Variants in EBF2 observed in about 807,000 individuals in gnomAD.
EBF2 encodes EBF transcription factor 2, also known as transcription factor COE2.
EBF2 carries 21 observed loss-of-function variants against 72.8 expected under a neutral mutation model. The observed-to-expected ratio is 0.29, with a 90% confidence interval of 0.20 to 0.42. EBF2 has a LOEUF of 0.42. EBF2 is among the 10% of genes least tolerant of loss of function. The pLI is 1.00. For missense variants in EBF2, 637 were observed against 731.2 expected, an observed-to-expected ratio of 0.87 and a Z score of 1.49; for synonymous variants, 299 against 274.2, an observed-to-expected ratio of 1.09 and a Z score of -0.89.
chr8:25,934,787 C>G (rs1035605737), intron 6 of EBF2, among the ~76,000 whole-genome samples: 6 of 152,204 alleles, frequency 3.9e-5, no homozygotes, highest in African/African-American at 1.2e-4. Context: ...ACGTATGCAT[C>G]CCGTATCCCA....
chr8:25,845,448 A>G (rs980137066), intron 15 of EBF2, among the ~76,000 whole-genome samples: 1 of 151,424 alleles, frequency 6.6e-6, no homozygotes, highest in African/African-American at 2.4e-5. Flanking sequence ...CTGGTCTTGA[A>G]CTCCTGGCCT....
intron 7 of EBF2, among the ~76,000 whole-genome samples, chr8:25,906,443 A>G (rs1357806655): frequency 1.3e-5 from 2 of 152,116 alleles, no homozygotes; most frequent in Non-Finnish European, 2.9e-5. Context: ...ATCCCCCAAG[A>G]AGGCTGGTTT....
chr8:25,973,150 T>C (rs1426095181), intron 6 of EBF2, among the ~76,000 whole-genome samples: 1 of 152,098 alleles, frequency 6.6e-6, no homozygotes, highest in Non-Finnish European at 1.5e-5. Flanking sequence ...GTGTTTTTTA[T>C]TTACCTGAGA....
At chr8:25,955,149 C>T (rs1226976341) in intron 6 of EBF2, among the ~76,000 whole-genome samples, 1 of 152,228 alleles carries the variant, frequency 6.6e-6, no homozygotes, top group Non-Finnish European at 1.5e-5. Flanking sequence ...ACCACTCTAG[C>T]GCCACACTCC....
intron 6 of EBF2, among the ~76,000 whole-genome samples, chr8:26,001,776 T>C (rs1420410896): frequency 1.3e-5 from 2 of 152,136 alleles, no homozygotes; most frequent in African/African-American, 2.4e-5. Flanking sequence ...CTCGAACTCC[T>C]GACCTCAAGT....
At chr8:25,987,891 T>A (rs977003604) in intron 6 of EBF2, among the ~76,000 whole-genome samples, 2 of 152,138 alleles carry the variant, frequency 1.3e-5, no homozygotes, top group African/African-American at 4.8e-5. Flanking sequence ...TACAGTAATA[T>A]ACAAAACTCA....
At chr8:25,998,182 T>C (rs1804667216) in intron 6 of EBF2, among the ~76,000 whole-genome samples, 1 of 152,104 alleles carries the variant, frequency 6.6e-6, no homozygotes, top group Non-Finnish European at 1.5e-5. Context: ...ACACTTACTC[T>C]ACAAAATAAG....
At chr8:25,867,964 T>C (rs1287972426) in intron 10 of EBF2, among the ~76,000 whole-genome samples, 1 of 152,260 alleles carries the variant, frequency 6.6e-6, no homozygotes, top group Non-Finnish European at 1.5e-5. Context: ...TTAAAATTTC[T>C]AACCGATCTA....
Position 25,850,766 on chromosome 8 carries a change from A to C in EBF2, c.1529-5T>G. ...CGGTGGGACTTGATGACATGACTGG[A>C]AAGCAAATGCACAATCCTCATTTAG... On this transcript the variant is annotated splice_region_variant and splice_polypyrimidine_tract_variant and intron_variant, in intron 14 of 15. Transcript: ENST00000520164. The C allele has an allele frequency of 6.4e-7, 1 of 1,558,070 alleles. No individual in the cohort carries two copies. The highest frequency in any genetic ancestry group is 8.6e-7 in the Non-Finnish European group (1 of 1,159,830).
chr8:25,850,416 A>G (rs951877753), intron 15 of EBF2, among the ~76,000 whole-genome samples, 178 bp downstream of exon 15: 3 of 152,142 alleles, frequency 2.0e-5, no homozygotes, highest in Non-Finnish European at 2.9e-5. Context: ...GCCTGGCCCC[A>G]TCTTGCTTTT....
At chr8:25,943,023 A>C (rs1303975078) in intron 6 of EBF2, among the ~76,000 whole-genome samples, 1 of 152,200 alleles carries the variant, frequency 6.6e-6, no homozygotes, top group Non-Finnish European at 1.5e-5. Flanking sequence ...CTAATGCGAA[A>C]GTTCCCAGGG....
chr8:25,918,505 C>A (rs1226487715), intron 6 of EBF2, among the ~76,000 whole-genome samples: 1 of 152,150 alleles, frequency 6.6e-6, no homozygotes, highest in African/African-American at 2.4e-5. Flanking sequence ...CACCTTCTGT[C>A]GCTAATTAAT....
At chr8:25,943,376 G>A (rs1305578158) in intron 6 of EBF2, among the ~76,000 whole-genome samples, 1 of 151,470 alleles carries the variant, frequency 6.6e-6, no homozygotes, top group African/African-American at 2.4e-5. Flanking sequence ...CGGGCATGCT[G>A]ATGCATACCT....
At chr8:25,999,393 C>A (rs1238054965) in intron 6 of EBF2, among the ~76,000 whole-genome samples, 1 of 152,108 alleles carries the variant, frequency 6.6e-6, no homozygotes, top group Non-Finnish European at 1.5e-5. Context: ...AATTTTCCAG[C>A]CCTCTCTTTC....
chr8:25,978,790 C>A (rs1804309526), intron 6 of EBF2, among the ~76,000 whole-genome samples: 1 of 152,178 alleles, frequency 6.6e-6, no homozygotes, highest in African/African-American at 2.4e-5. Flanking sequence ...AGAAGCAACA[C>A]AAAGGGGCCC....
At chr8:25,866,845 T>C (rs1389504191) in intron 10 of EBF2, among the ~76,000 whole-genome samples, 1 of 151,684 alleles carries the variant, frequency 6.6e-6, no homozygotes, top group African/African-American at 2.4e-5. Context: ...TTGGCCACGC[T>C]GGTCACGAAC....
At chr8:25,937,381 C>T (rs1352005518) in intron 6 of EBF2, among the ~76,000 whole-genome samples, 2 of 152,172 alleles carry the variant, frequency 1.3e-5, no homozygotes, top group Admixed American at 6.5e-5. Flanking sequence ...CAGCAGCCCT[C>T]CCTGTAGTGA....
rs1803079898 is a variant in EBF2 at position 25,908,693 on chromosome 8, A to T, written c.552-138T>A. 2.3e-5 allele frequency: 15 copies of T among 657,126 alleles called. No homozygotes were observed. In the South Asian group the frequency reaches 2.8e-4, roughly 12 times the overall value. 40.7% of individuals were successfully genotyped at this position (657,126 alleles called of 1,614,324 possible). On this transcript the variant is annotated intron_variant, in intron 6 of 15. Coordinates refer to ENST00000520164, the MANE Select transcript of EBF2 (RefSeq NM_022659.4). ...TTTCAACCTGCCCTGCCTGTGAAGG[A>T]ACACTGCTGACCCTCTGCAATTTGC...
chr8:25,947,287 A>G (rs1358145462), intron 6 of EBF2, among the ~76,000 whole-genome samples: 1 of 152,186 alleles, frequency 6.6e-6, no homozygotes, highest in East Asian at 1.9e-4. Flanking sequence ...TCCCCTGCAC[A>G]TGCTTTCTTC....
Sources: allele counts gnomAD v4.1 joint callset (sites outside exome capture counted in the v4.1 genomes callset), GRCh38; gene constraint gnomAD v4.1.1; transcripts MANE v1.5; gene names NCBI Gene and HGNC (gene_info 2026-07-23, HGNC 2026-07-21).